CDK14: variants seen among roughly 807,000 people sequenced by gnomAD.
CDK14 encodes the protein cyclin dependent kinase 14.
In CDK14, 34 loss-of-function variants were observed where a neutral mutation model predicts 60.7. That is an observed-to-expected ratio of 0.56 (90% CI 0.43 to 0.75). The LOEUF (loss-of-function observed/expected upper bound fraction) is 0.75. CDK14 is among the 30% of genes least tolerant of loss of function. The pLI, the probability that CDK14 is intolerant of heterozygous loss-of-function variation, is 0.00. For synonymous variants in CDK14, 197 were observed against 203.7 expected (o/e 0.97, Z 0.28); for missense variants, 482 against 564.1 (o/e 0.85, Z 1.47).
intron 2 of CDK14, among the ~76,000 whole-genome samples, chr7:90,649,252 CTT>C (rs879793176): frequency 2.4e-4 from 11 of 45,436 alleles, no homozygotes; most frequent in African/African-American, 6.4e-4. Flanking sequence ...TTCTTTCTTT[CTT>C]TCTTTCTTTC....
At chr7:91,076,583 C>T (rs896137394) in intron 11 of CDK14, among the ~76,000 whole-genome samples, 3 of 152,054 alleles carry the variant, frequency 2.0e-5, no homozygotes, top group African/African-American at 7.2e-5. Context: ...TCAGGACTTA[C>T]GCATGGGCAA....
chr7:90,743,058 C>G (rs1803418299), intron 3 of CDK14, among the ~76,000 whole-genome samples: 1 of 152,112 alleles, frequency 6.6e-6, no homozygotes, highest in Admixed American at 6.5e-5. Context: ...TTTTGTGCAT[C>G]TATCACATGA....
intron 2 of CDK14, among the ~76,000 whole-genome samples, chr7:90,714,516 C>T (rs1802175339): frequency 6.6e-6 from 1 of 152,138 alleles, no homozygotes; most frequent in Non-Finnish European, 1.5e-5. Context: ...TTTATTATTG[C>T]TGAAATTTTG....
chr7:91,072,632 G>A (rs1008435025), intron 11 of CDK14, among the ~76,000 whole-genome samples: 15 of 152,032 alleles, frequency 9.9e-5, no homozygotes, highest in African/African-American at 2.9e-4. Flanking sequence ...TCAAACGATC[G>A]CAACAGCTCT....
chr7:90,804,917 CTTTGCCAAT>C (rs1788765109), intron 5 of CDK14, among the ~76,000 whole-genome samples: 2 of 152,034 alleles, frequency 1.3e-5, no homozygotes, highest in Admixed American at 6.6e-5. Context: ...TCAGTTCCTA[CTTTGCCAAT>C]CTTTAAAAAA....
chr7:90,809,082 G>A (rs1209511854), intron 5 of CDK14, among the ~76,000 whole-genome samples: 3 of 151,476 alleles, frequency 2.0e-5, no homozygotes, highest in Non-Finnish European at 4.4e-5. Context: ...AGTTAACGAG[G>A]ATATCCAGGA....
chr7:90,811,770 A>AG (rs1466391689), intron 5 of CDK14, among the ~76,000 whole-genome samples: 56 of 152,182 alleles, frequency 3.7e-4, no homozygotes, highest in African/African-American at 1.1e-3. Context: ...CAAATTTACA[A>AG]GAAAAAACAA....
At chr7:90,825,408 C>A (rs1270833702) in intron 5 of CDK14, among the ~76,000 whole-genome samples, 1 of 152,132 alleles carries the variant, frequency 6.6e-6, no homozygotes, top group African/African-American at 2.4e-5. Context: ...TACTCATTTG[C>A]AAATCATTTC....
chr7:91,054,704 T>A (rs1038568404), intron 11 of CDK14, among the ~76,000 whole-genome samples: 1 of 152,126 alleles, frequency 6.6e-6, no homozygotes, highest in Non-Finnish European at 1.5e-5. Flanking sequence ...TGCCAGGCAG[T>A]ATTGTGGGTG....
At chr7:91,032,745 G>T (rs1170355632) in intron 10 of CDK14, among the ~76,000 whole-genome samples, 2 of 152,148 alleles carry the variant, frequency 1.3e-5, no homozygotes. Context: ...TTGGCTTCAG[G>T]CTCCAGAACT....
At chr7:90,615,487 CTG>C (rs1214425902) in intron 2 of CDK14, among the ~76,000 whole-genome samples, 3 of 152,150 alleles carry the variant, frequency 2.0e-5, no homozygotes, top group African/African-American at 7.2e-5. Flanking sequence ...CGTTATAACT[CTG>C]TGTTCTGATC....
At chr7:90,813,398 A>G (rs1237360353) in intron 5 of CDK14, among the ~76,000 whole-genome samples, 1 of 152,214 alleles carries the variant, frequency 6.6e-6, no homozygotes, top group African/African-American at 2.4e-5. Flanking sequence ...TTGTATGCAT[A>G]CAACTGGTGG....
At chr7:90,686,589 A>G (rs1204195551) in intron 2 of CDK14, among the ~76,000 whole-genome samples, 1 of 152,214 alleles carries the variant, frequency 6.6e-6, no homozygotes, top group Non-Finnish European at 1.5e-5. Flanking sequence ...AGTAAAAGAA[A>G]AGGACTCTGT....
intron 14 of CDK14, among the ~76,000 whole-genome samples, chr7:91,120,177 GTTCCTCTTCTTGGCTCTTTT>G (rs1799738419): frequency 6.6e-6 from 1 of 152,200 alleles, no homozygotes; most frequent in South Asian, 2.1e-4. Context: ...GCAAGGCTGT[GTTCCTCTTCTTGGCTCTTTT>G]GAGATCCCCT....
At chr7:90,823,016 TC>T (rs1250709493) in intron 5 of CDK14, among the ~76,000 whole-genome samples, 4 of 152,146 alleles carry the variant, frequency 2.6e-5, no homozygotes, top group African/African-American at 9.7e-5. Flanking sequence ...TATAAACTCT[TC>T]AGTGAACAGG....
chr7:91,079,883 A>T (rs1428892220), intron 12 of CDK14, among the ~76,000 whole-genome samples: 1 of 152,212 alleles, frequency 6.6e-6, no homozygotes, highest in Admixed American at 6.5e-5. Context: ...TTCACTTCGC[A>T]TATTTTTCCC....
chr7:90,690,289 T>C (rs914201186), intron 2 of CDK14, among the ~76,000 whole-genome samples: 1 of 152,178 alleles, frequency 6.6e-6, no homozygotes, highest in Non-Finnish European at 1.5e-5. Context: ...GACACTTAAG[T>C]GTGTGGGTTC....
At chr7:91,155,307 T>G (rs1800952441) in intron 14 of CDK14, among the ~76,000 whole-genome samples, 1 of 152,142 alleles carries the variant, frequency 6.6e-6, no homozygotes, top group African/African-American at 2.4e-5. Context: ...CAATGCCAAA[T>G]AGCAAAACGT....
chr7:90,660,592 A>T lies in CDK14; in HGVS notation c.123+56343A>T, dbSNP rs924047102. Among the ~76,000 whole-genome samples, 5 of 152,352 alleles carry T rather than the reference A, an allele frequency of 3.3e-5. No individual in the cohort carries two copies. The East Asian group carries it at 9.6e-4, about 29-fold the overall frequency. ...AGAGAATTTCTGGTGTCAAAATGTG[A>T]CGAACTAACAGATAAAATAATGTGT... is the stretch of plus-strand genomic sequence containing the variant. On this transcript the variant is annotated intron_variant, in intron 2 of 14. Coordinates refer to ENST00000380050, the MANE Select transcript of CDK14 (RefSeq NM_001287135.2).
Sources: gnomAD v4.1 joint callset for allele counts (sites outside exome capture counted in the v4.1 genomes callset) on GRCh38, gnomAD v4.1.1 for gene constraint, MANE v1.5 for transcripts, NCBI Gene and HGNC (gene_info 2026-07-23, HGNC 2026-07-21) for gene names.